CDYL: variants seen among roughly 807,000 people sequenced by gnomAD.
CDYL encodes chromodomain Y like.
Under a neutral mutation model 47.3 loss-of-function variants are expected in CDYL, and 8 were observed. That is an observed-to-expected ratio of 0.17 (90% confidence interval 0.10 to 0.31). The LOEUF (loss-of-function observed/expected upper bound fraction) is 0.31. Among genes scored for constraint, CDYL ranks in the 10% least tolerant of loss-of-function variants. CDYL has a pLI of 1.00. For missense variants in CDYL, 471 were observed against 701.4 expected, an observed-to-expected ratio of 0.67 and a Z score of 3.71; for synonymous variants, 266 against 265.0, an observed-to-expected ratio of 1.00 and a Z score of -0.04.
chr6:4,925,517 G>A (rs1044548924), intron 2 of CDYL, among the ~76,000 whole-genome samples: 4 of 144,798 alleles, frequency 2.8e-5, no homozygotes, highest in African/African-American at 1.0e-4. Context: ...GTTCACTCAT[G>A]CCATTCTCCT....
intron 2 of CDYL, among the ~76,000 whole-genome samples, chr6:4,728,850 G>A (rs925389413): frequency 2.0e-5 from 3 of 152,138 alleles, no homozygotes; most frequent in African/African-American, 7.2e-5. Flanking sequence ...CATCTGAAGT[G>A]GAACAATGAC....
intron 2 of CDYL, among the ~76,000 whole-genome samples, chr6:4,721,357 GGGGGA>G (rs1203998233): frequency 6.6e-6 from 1 of 151,898 alleles, no homozygotes; most frequent in Admixed American, 6.6e-5. Flanking sequence ...GCACTTTTCT[GGGGGA>G]GGGGAGGGGA....
At chr6:4,725,268 C>T (rs1757486197) in intron 2 of CDYL, among the ~76,000 whole-genome samples, 1 of 152,258 alleles carries the variant, frequency 6.6e-6, no homozygotes, top group South Asian at 2.1e-4. Flanking sequence ...TGGCTTTACA[C>T]AGTGGATCCC....
intron 1 of CDYL, among the ~76,000 whole-genome samples, chr6:4,783,953 G>A (rs1474544391): frequency 1.3e-5 from 2 of 152,236 alleles, no homozygotes; most frequent in South Asian, 4.1e-4. Flanking sequence ...CTCTGTACTC[G>A]TCAGGAATTC....
Position 4,813,547 on chromosome 6 carries a change from A to T in CDYL, c.24+36740A>T, listed in dbSNP as rs147306968. Among the ~76,000 whole-genome samples, 625 of 152,292 alleles carry T rather than the reference A, an allele frequency of 4.1e-3. 1 individual carries two copies. Among genetic ancestry groups the T allele is most frequent in the Non-Finnish European group, 6.7e-3 (459 of 68,026 alleles). On this transcript the variant is annotated intron_variant, in intron 1 of 6. Coordinates refer to ENST00000397588, the MANE Select transcript of CDYL (RefSeq NM_004824.4). ...GTTATCATTTATTCTTCTGCCACTGATGGATTCATTTTGCTAAATTATGTG... is the reference window on the plus strand; with the variant it reads ...GTTATCATTTATTCTTCTGCCACTGTTGGATTCATTTTGCTAAATTATGTG...
At chr6:4,724,760 C>A (rs1385196187) in intron 2 of CDYL, 1 of 152,188 alleles carries the variant, frequency 6.6e-6, no homozygotes, top group African/African-American at 2.4e-5. Flanking sequence ...AAGCTGCAAA[C>A]CTTCGGGTGA....
chr6:4,713,589 C>A (rs374944738), intron 1 of CDYL, among the ~76,000 whole-genome samples: 2 of 113,650 alleles, frequency 1.8e-5, no homozygotes, highest in African/African-American at 5.5e-5. Context: ...CATTTAGATT[C>A]TTTTTTTTTT....
At chr6:4,843,515 T>C (rs1157270763) in intron 1 of CDYL, among the ~76,000 whole-genome samples, 3 of 150,130 alleles carry the variant, frequency 2.0e-5, no homozygotes, top group South Asian at 4.2e-4. Context: ...TTTTCTTTTT[T>C]TTTTTTTTTA....
intron 2 of CDYL, among the ~76,000 whole-genome samples, chr6:4,913,904 A>G (rs999924181): frequency 1.2e-4 from 18 of 152,386 alleles, no homozygotes; most frequent in African/African-American, 4.3e-4. Context: ...GCCCGGGTCT[A>G]GCCTGTTGGC....
At chr6:4,738,950 T>C (rs940414521) in intron 3 of CDYL, among the ~76,000 whole-genome samples, 2 of 151,820 alleles carry the variant, frequency 1.3e-5, no homozygotes, top group African/African-American at 4.8e-5. Flanking sequence ...TCACCTGAGG[T>C]TGGGAGTTCA....
intron 2 of CDYL, among the ~76,000 whole-genome samples, chr6:4,719,994 C>T (rs186410767): frequency 6.6e-6 from 1 of 152,198 alleles, no homozygotes; most frequent in East Asian, 1.9e-4. Context: ...ACGCTTATAG[C>T]AAATCAACAT....
At chr6:4,748,077 T>G (rs1757929055) in intron 3 of CDYL, among the ~76,000 whole-genome samples, 1 of 152,026 alleles carries the variant, frequency 6.6e-6, no homozygotes, top group African/African-American at 2.4e-5. Context: ...GTCAGGGAGC[T>G]TCTCGACACA....
At chr6:4,749,534 T>A (rs1349515023) in intron 3 of CDYL, among the ~76,000 whole-genome samples, 1 of 152,224 alleles carries the variant, frequency 6.6e-6, no homozygotes, top group Non-Finnish European at 1.5e-5. Flanking sequence ...TATTTAGGGC[T>A]GCCACCACTA....
intron 1 of CDYL, among the ~76,000 whole-genome samples, chr6:4,840,707 C>A (rs916208818): frequency 6.6e-6 from 1 of 152,130 alleles, no homozygotes; most frequent in East Asian, 1.9e-4. Context: ...CATTGACTTG[C>A]GTATTTTAAA....
At chr6:4,846,527 C>G (rs950608671) in intron 1 of CDYL, among the ~76,000 whole-genome samples, 1 of 152,114 alleles carries the variant, frequency 6.6e-6, no homozygotes, top group South Asian at 2.1e-4. Context: ...ATGCTTTCTT[C>G]CGTCAGAGTG....
intron 2 of CDYL, among the ~76,000 whole-genome samples, chr6:4,726,086 C>T (rs999264615): frequency 6.6e-6 from 1 of 152,162 alleles, no homozygotes; most frequent in Non-Finnish European, 1.5e-5. Flanking sequence ...TTATTCTTTC[C>T]ATCACCATTA....
intron 1 of CDYL, among the ~76,000 whole-genome samples, chr6:4,882,681 G>A (rs1761794723): frequency 6.6e-6 from 1 of 152,162 alleles, no homozygotes; most frequent in Admixed American, 6.5e-5. Context: ...CAGATGCACT[G>A]GTAGATGACA....
At chr6:4,764,433 G>T (rs1581151677) in intron 3 of CDYL, among the ~76,000 whole-genome samples, 1 of 152,192 alleles carries the variant, frequency 6.6e-6, no homozygotes, top group South Asian at 2.1e-4. Flanking sequence ...GGGATTACAG[G>T]CGCACACCCC....
At chr6:4,735,147 G>A (rs927337656) in intron 3 of CDYL, among the ~76,000 whole-genome samples, 2 of 151,932 alleles carry the variant, frequency 1.3e-5, no homozygotes, top group Non-Finnish European at 2.9e-5. Context: ...TTTGCTGGGC[G>A]TGGTGGCGCA....
Sources: gnomAD v4.1 joint callset for allele counts (sites outside exome capture counted in the v4.1 genomes callset) on GRCh38, gnomAD v4.1.1 for gene constraint, MANE v1.5 for transcripts, NCBI Gene and HGNC (gene_info 2026-07-23, HGNC 2026-07-21) for gene names.